The following DDX60L variants were observed in gnomAD, a reference collection of about 807,000 sequenced individuals.
DDX60L encodes the protein probable ATP-dependent RNA helicase DDX60-like.
DDX60L carries 191 observed loss-of-function variants against 211.6 expected under a neutral mutation model. The ratio of observed to expected loss-of-function variants is 0.90; its 90% CI spans 0.80 to 1.02. The LOEUF is 1.02. DDX60L is among the 50% of genes least tolerant of loss of function. DDX60L has a pLI of 0.00. For synonymous variants in DDX60L, 706 were observed against 694.1 expected, an observed-to-expected ratio of 1.02 and a Z score of -0.27; for missense variants, 2,007 against 1,984.1, an observed-to-expected ratio of 1.01 and a Z score of -0.22.
chr4:168,458,688 C>T lies in DDX60L; in HGVS notation c.607-680G>A, dbSNP rs773237011. On this transcript the variant is annotated intron_variant, in intron 5 of 37. Coordinates refer to ENST00000682922, the MANE Select transcript of DDX60L (RefSeq NM_001012967.3). The stretch of plus-strand genomic sequence containing the variant: ...GGAGGGAGAGCATCAGGATAAATAA[C>T]TAATGCGTGCAGGGTTTAATACCTA... 6.6e-5 allele frequency among the ~76,000 whole-genome samples: 10 copies of T among 152,294 alleles called. No individual in the cohort carries two copies. In the East Asian group the frequency reaches 1.9e-3, roughly 29 times the overall value.
chr4:168,364,482 G>A (rs1449853676), intron 36 of DDX60L, among the ~76,000 whole-genome samples: 1 of 152,120 alleles, frequency 6.6e-6, no homozygotes, highest in Non-Finnish European at 1.5e-5. Context: ...AACAATGAAT[G>A]GGTCATCCAG....
rs759988129 is a variant in DDX60L, at chr4:168,432,485, C to T, written c.1486G>A (p.Asp496Asn). The change falls in exon 12 of 38, where the codon GAC becomes AAC. Residue 496 changes from aspartate (D) to asparagine (N), a missense_variant. Asp to Asn is a conservative substitution (Grantham distance 23). Transcript: ENST00000682922. ...ACATGACATTTGATCCTGTCATAGT[C>T]GTCACTAAGGAGTCTTTGAGCATGC... ...HWHAQRLLSD[D>N]YDRIKCHVDE... 23 of 1,576,628 alleles carry T rather than the reference C, an allele frequency of 1.5e-5. No homozygotes were observed. The highest frequency in any genetic ancestry group is 4.7e-5 in the South Asian group (4 of 85,474).
rs745819064 is a variant in DDX60L at position 168,400,895 on chromosome 4, G to T, written c.3422C>A (p.Thr1141Asn). Residue 1141 changes from threonine (T) to asparagine (N), a missense_variant, in exon 26 of 38, where the codon ACT (threonine) becomes AAT (asparagine). Physicochemically the swap from Thr to Asn is moderately conservative, Grantham distance 65. Transcript: ENST00000682922. ...EKTETKSHPH[T>N]ECHSYVFAID... ...TGCAAAGACATAACTATGACATTCA[G>T]TGTGGGGATGGCTTTTTGTCTCTGT... The T allele has an allele frequency of 6.2e-7, 1 of 1,613,492 alleles. No homozygotes were observed. The highest frequency in any genetic ancestry group is 8.5e-7 in the Non-Finnish European group (1 of 1,179,460).
In DDX60L at chr4:168,386,673, C is replaced by A. The variant is rs1242582079; in HGVS notation, c.3916-1861G>T. Among the ~76,000 whole-genome samples, 7 of 64,206 alleles carry A rather than the reference C, an allele frequency of 1.1e-4. 1 individual carries two copies. Among genetic ancestry groups the A allele is most frequent in the Admixed American group, 1.0e-3 (6 of 5,742 alleles). The allele number at this position is 64,206 out of a possible 152,430, so 42.1% of individuals were successfully genotyped here. On this transcript the variant is annotated intron_variant, in intron 29 of 37. Transcript: ENST00000682922. ...CTGAGAAGTAGCAGATTCAACTAAT[C>A]CCTGATGTTTTTTTAATCAAAGTCA...
chr4:168,447,404 A>T (rs1330339331), intron 9 of DDX60L, among the ~76,000 whole-genome samples: 14 of 148,796 alleles, frequency 9.4e-5, no homozygotes, highest in South Asian at 8.8e-4. Context: ...GAGGATGTGG[A>T]GAAATAGGAA....
chr4:168,471,270 G>A (rs1758734745), intron 4 of DDX60L: 1 of 152,464 alleles, frequency 6.6e-6, no homozygotes, highest in African/African-American at 2.4e-5. Flanking sequence ...GCATGGATAA[G>A]CTTACAGATA....
intron 30 of DDX60L, among the ~76,000 whole-genome samples, chr4:168,384,410 C>T (rs188305954): frequency 6.0e-4 from 91 of 152,156 alleles, no homozygotes; most frequent in Middle Eastern, 6.8e-3. Flanking sequence ...TCACTTGAGC[C>T]CAGGTGATTA....
intron 36 of DDX60L, among the ~76,000 whole-genome samples, chr4:168,367,162 T>C (rs1046289770): frequency 7.1e-6 from 1 of 141,292 alleles, no homozygotes; most frequent in Admixed American, 7.6e-5. Flanking sequence ...AAGACTTAAA[T>C]GTAAAACCTG....
chr4:168,471,701 T>G lies in DDX60L; in HGVS notation c.264+46A>C, dbSNP rs375168311. On this transcript the variant is annotated intron_variant, in intron 4 of 37. Coordinates refer to ENST00000682922, the MANE Select transcript of DDX60L (RefSeq NM_001012967.3). Reference sequence around the variant, plus strand: ...GGCTCTTTAGGTTAAGACATTTCAGTTATAGTCTTCAAAGGACTAAAACGA... The same window carrying G: ...GGCTCTTTAGGTTAAGACATTTCAGGTATAGTCTTCAAAGGACTAAAACGA... 5.5e-6 allele frequency: 8 copies of G among 1,451,148 alleles called. No individual in the cohort carries two copies. The African/African-American group carries it at 1.0e-4, about 18-fold the overall frequency. 89.9% of individuals were successfully genotyped at this position (1,451,148 alleles called of 1,614,324 possible). A position where few individuals can be genotyped will look rare whatever the true frequency, so the allele number is the denominator to read the frequency against.
intron 30 of DDX60L, among the ~76,000 whole-genome samples, chr4:168,383,269 G>A (rs1743273106): frequency 6.6e-6 from 1 of 152,166 alleles, no homozygotes; most frequent in Non-Finnish European, 1.5e-5. Flanking sequence ...CATTAAAAGA[G>A]TGATGAAACT....
chr4:168,396,086 C>G lies in DDX60L; in HGVS notation c.3530G>C (p.Arg1177Thr), dbSNP rs202066594. Residue 1177 changes from arginine (R) to threonine (T), a missense_variant, in exon 27 of 38, where the codon AGA (arginine) becomes ACA (threonine). Arg to Thr is a moderately conservative substitution (Grantham distance 71). Coordinates refer to ENST00000682922, the MANE Select transcript of DDX60L (RefSeq NM_001012967.3). ...KNPKKAEKLE[R>T]KKVYRAEYIN... is the part of the protein sequence containing the mutation. ...ATATTCAGCTCTATACACTTTTTTT[C>G]TTTCCAGTTTTTCAGCCTTCTTTGG... 1.4e-3 allele frequency: 2,205 copies of G among 1,549,610 alleles called. 5 individuals carry two copies. Among genetic ancestry groups the G allele is most frequent in the Non-Finnish European group, 1.7e-3 (1,918 of 1,149,530 alleles).
At chr4:168,377,392 T>C (rs992641419) in intron 33 of DDX60L, among the ~76,000 whole-genome samples, 1 of 152,056 alleles carries the variant, frequency 6.6e-6, no homozygotes, top group Non-Finnish European at 1.5e-5. Context: ...CCCTAGAAAG[T>C]CCAGAGGCAA....
At chr4:168,478,194 A>AG (rs1759872592) in intron 1 of DDX60L, among the ~76,000 whole-genome samples, 1 of 151,830 alleles carries the variant, frequency 6.6e-6, no homozygotes, top group Admixed American at 6.6e-5. Flanking sequence ...TAGGACAAAA[A>AG]AAAAAGAAAA....
intron 13 of DDX60L, 24 bp from the exon 14 acceptor site, chr4:168,427,346 A>G (rs757522994): frequency 1.1e-5 from 18 of 1,595,526 alleles, no homozygotes; most frequent in Non-Finnish European, 1.4e-5. Context: ...AAAGGAACAT[A>G]TGAAACAAGT....
At chr4:168,374,473 T>C (rs974211910) in intron 34 of DDX60L, among the ~76,000 whole-genome samples, 13 of 152,210 alleles carry the variant, frequency 8.5e-5, no homozygotes, top group Non-Finnish European at 1.9e-4. Flanking sequence ...CGCTATAAAA[T>C]TGAAATTTGG....
chr4:168,416,746 C>A lies in DDX60L; in HGVS notation c.2662G>T (p.Val888Phe). 6.2e-7 allele frequency: 1 copy of A among 1,607,564 alleles called. No homozygotes were observed. The change falls in exon 20 of 38, where the codon GTC becomes TTC. Residue 888 changes from valine to phenylalanine, a missense_variant. Coordinates refer to ENST00000682922, the MANE Select transcript of DDX60L (RefSeq NM_001012967.3). ...ACCAAAAAGGGACATCGAATAATGA[C>A]AAGGAGGAGCTCCCAAAATTTTGCT... ...VGAKFWELLLVIIRCPFLVLS... is the reference protein window; with the variant it reads ...VGAKFWELLLFIIRCPFLVLS...
chr4:168,403,163 A>C (rs1017593765), intron 25 of DDX60L, among the ~76,000 whole-genome samples: 3 of 152,200 alleles, frequency 2.0e-5, no homozygotes, highest in African/African-American at 7.2e-5. Context: ...TTTTCTTGTA[A>C]TTCCCCACAT....
At chr4:168,370,855 C>T (rs1362441456) in intron 36 of DDX60L, among the ~76,000 whole-genome samples, 1 of 149,438 alleles carries the variant, frequency 6.7e-6, no homozygotes, top group East Asian at 1.9e-4. Context: ...CCATTTCTAC[C>T]TACTTGTTTC....
intron 4 of DDX60L, among the ~76,000 whole-genome samples, chr4:168,464,777 T>A (rs1757763551): frequency 6.6e-6 from 1 of 152,154 alleles, no homozygotes; most frequent in African/African-American, 2.4e-5. Context: ...ATATCCACCC[T>A]ATGGTGCAAT....
Sources: allele counts gnomAD v4.1 joint callset (sites outside exome capture counted in the v4.1 genomes callset), GRCh38; gene constraint gnomAD v4.1.1; transcripts MANE v1.5; gene names NCBI Gene and HGNC (gene_info 2026-07-23, HGNC 2026-07-21).